The following RBFOX1 variants were observed in gnomAD, a reference collection of about 807,000 sequenced individuals.
The protein encoded by RBFOX1 is RNA binding fox-1 homolog 1.
In RBFOX1, 8 loss-of-function variants were observed where a neutral mutation model predicts 57.7. The ratio of observed to expected loss-of-function variants is 0.14; its 90% CI spans 0.08 to 0.25. The LOEUF (loss-of-function observed/expected upper bound fraction) is 0.25. Among genes scored for constraint, RBFOX1 ranks in the 10% least tolerant of loss-of-function variants. The pLI is 1.00. For synonymous variants in RBFOX1, 326 were observed against 222.4 expected (o/e 1.47, Z -4.15); for missense variants, 611 against 548.5 (o/e 1.11, Z -1.14).
chr16:5,655,890 T>C (rs1163615109), intron 3 of RBFOX1, among the ~76,000 whole-genome samples: 1 of 152,254 alleles, frequency 6.6e-6, no homozygotes, highest in Non-Finnish European at 1.5e-5. Flanking sequence ...TTTTAAAGCA[T>C]GTGCAATTGT....
At chr16:5,913,651 A>G (rs943045515) in intron 4 of RBFOX1, among the ~76,000 whole-genome samples, 3 of 152,214 alleles carry the variant, frequency 2.0e-5, no homozygotes, top group African/African-American at 4.8e-5. Context: ...TACATTACCC[A>G]GTCTCAGGTA....
intron 3 of RBFOX1, among the ~76,000 whole-genome samples, chr16:6,657,575 G>A (rs2098668391): frequency 6.6e-6 from 1 of 152,134 alleles, no homozygotes; most frequent in African/African-American, 2.4e-5. Context: ...GGGTTGTTTA[G>A]GAAATTTCAC....
At chr16:7,691,438 G>A (rs1425811722) in intron 14 of RBFOX1, among the ~76,000 whole-genome samples, 5 of 151,154 alleles carry the variant, frequency 3.3e-5, no homozygotes, top group Admixed American at 1.3e-4. Context: ...GAAAGAAAAC[G>A]GAAAGGAAAG....
intron 2 of RBFOX1, among the ~76,000 whole-genome samples, chr16:6,583,523 A>G (rs769135618): frequency 3.9e-5 from 6 of 152,228 alleles, no homozygotes; most frequent in Non-Finnish European, 7.3e-5. Context: ...CTTCCATTTT[A>G]CATTTTATTC....
intron 3 of RBFOX1, among the ~76,000 whole-genome samples, chr16:5,759,607 C>T (rs1057265721): frequency 2.1e-4 from 32 of 152,326 alleles, no homozygotes; most frequent in Middle Eastern, 3.4e-3. Context: ...CCGCCAGTGC[C>T]AGGCATGTGC....
chr16:7,708,833 T>TATAG (rs2083343742), intron 14 of RBFOX1, among the ~76,000 whole-genome samples: 1 of 152,220 alleles, frequency 6.6e-6, no homozygotes, highest in Non-Finnish European at 1.5e-5. Flanking sequence ...TGTGTATATA[T>TATAG]GTATTTATCT....
chr16:6,767,486 T>C (rs866131642), intron 3 of RBFOX1, among the ~76,000 whole-genome samples: 2 of 152,190 alleles, frequency 1.3e-5, no homozygotes, highest in African/African-American at 4.8e-5. Flanking sequence ...ACATTTCTTT[T>C]TTTGCTTAAG....
chr16:7,388,313 C>T (rs768185526), intron 4 of RBFOX1, among the ~76,000 whole-genome samples: 1 of 152,068 alleles, frequency 6.6e-6, no homozygotes, highest in African/African-American at 2.4e-5. Flanking sequence ...TGGGGAAATT[C>T]CTGAATACAA....
chr16:6,182,057 T>C (rs991053330), intron 1 of RBFOX1, among the ~76,000 whole-genome samples: 1 of 152,216 alleles, frequency 6.6e-6, no homozygotes, highest in Non-Finnish European at 1.5e-5. Flanking sequence ...GACTGGGAAA[T>C]GTAGTATTCC....
chr16:6,804,418 C>G lies in RBFOX1; in HGVS notation c.-16+149768C>G, dbSNP rs138027448. Among the ~76,000 whole-genome samples, 258 of 152,232 alleles carry G rather than the reference C, an allele frequency of 1.7e-3. 1 individual carries two copies. Among genetic ancestry groups the G allele is most frequent in the Middle Eastern group, 6.8e-3 (2 of 292 alleles). The stretch of plus-strand genomic sequence containing the variant: ...CATCTAGCCCTGCAGTATTTCAGGT[C>G]AACAATAACTCTTTGCTGACTGAAG... On this transcript the variant is annotated intron_variant, in intron 3 of 15. Transcript: ENST00000550418.
intron 3 of RBFOX1, among the ~76,000 whole-genome samples, chr16:6,854,680 C>T (rs1290385794): frequency 1.4e-5 from 2 of 146,648 alleles, no homozygotes; most frequent in East Asian, 2.1e-4. Context: ...CTGCAAGCTC[C>T]GCCTCCTGGG....
At chr16:7,462,948 T>A (rs2059848006) in intron 4 of RBFOX1, among the ~76,000 whole-genome samples, 1 of 152,238 alleles carries the variant, frequency 6.6e-6, no homozygotes, top group Non-Finnish European at 1.5e-5. Context: ...GCTCTTCTCC[T>A]GATCTCAAGA....
chr16:7,541,063 C>G (rs1399028838), intron 5 of RBFOX1, among the ~76,000 whole-genome samples: 1 of 152,180 alleles, frequency 6.6e-6, no homozygotes, highest in Non-Finnish European at 1.5e-5. Context: ...AGAAGCACCC[C>G]TAACCACACA....
At chr16:7,063,877 C>G (rs1290789623) in intron 4 of RBFOX1, among the ~76,000 whole-genome samples, 4 of 152,174 alleles carry the variant, frequency 2.6e-5, no homozygotes, top group Non-Finnish European at 4.4e-5. Context: ...AGGTTATATG[C>G]AAATATCACT....
chr16:5,680,105 G>T (rs28475878), intron 3 of RBFOX1, among the ~76,000 whole-genome samples: 1 of 152,232 alleles, frequency 6.6e-6, no homozygotes, highest in Non-Finnish European at 1.5e-5. Context: ...GGCGTCAGAA[G>T]AGGGACATCA....
intron 4 of RBFOX1, among the ~76,000 whole-genome samples, chr16:7,515,930 C>T (rs567199258): frequency 2.0e-5 from 3 of 152,216 alleles, no homozygotes; most frequent in African/African-American, 2.4e-5. Flanking sequence ...CTGCAACTTC[C>T]ACCTCCCACA....
intron 4 of RBFOX1, among the ~76,000 whole-genome samples, chr16:7,224,791 A>G (rs563614110): frequency 6.6e-6 from 1 of 152,314 alleles, no homozygotes; most frequent in East Asian, 1.9e-4. Context: ...AGTGTGGTCC[A>G]AAGACCAGCC....
At chr16:7,512,489 T>G (rs2075352356) in intron 4 of RBFOX1, among the ~76,000 whole-genome samples, 1 of 152,084 alleles carries the variant, frequency 6.6e-6, no homozygotes, top group Non-Finnish European at 1.5e-5. Context: ...TTAATTAGGG[T>G]CTCTCTGGAA....
intron 2 of RBFOX1, among the ~76,000 whole-genome samples, chr16:6,498,096 A>G (rs2095821752): frequency 6.6e-6 from 1 of 151,868 alleles, no homozygotes; most frequent in Non-Finnish European, 1.5e-5. Context: ...TTAAAATGTT[A>G]TAAAAAATAG....
Sources: gnomAD v4.1 joint callset for allele counts (sites outside exome capture counted in the v4.1 genomes callset) on GRCh38, gnomAD v4.1.1 for gene constraint, MANE v1.5 for transcripts, NCBI Gene and HGNC (gene_info 2026-07-23, HGNC 2026-07-21) for gene names.